CNTN4: variants seen among roughly 807,000 people sequenced by gnomAD.
CNTN4 encodes contactin 4, also known as contactin-4.
A neutral mutation model predicts 122.5 loss-of-function variants in CNTN4; 77 were observed. That is an observed-to-expected ratio of 0.63 (90% CI 0.52 to 0.76). The LOEUF (loss-of-function observed/expected upper bound fraction) is 0.76. CNTN4 is among the 30% of genes least tolerant of loss of function. The probability of loss-of-function intolerance (pLI) is 0.00; values close to 1 mark genes in which losing one functional copy is unlikely to be tolerated. For missense variants in CNTN4, 1,256 were observed against 1,259.1 expected (o/e 1.00, Z 0.04); for synonymous variants, 512 against 447.0 (o/e 1.15, Z -1.83).
chr3:2,779,227 A>G (rs1399669624), intron 6 of CNTN4, among the ~76,000 whole-genome samples: 1 of 150,376 alleles, frequency 6.6e-6, no homozygotes. Flanking sequence ...CTTCCTTTTC[A>G]GGTTGTGGTG....
chr3:2,666,576 A>G (rs79146850), intron 4 of CNTN4, among the ~76,000 whole-genome samples: 2,117 of 141,746 alleles, frequency 0.015, 57 homozygotes, highest in African/African-American at 0.052. Context: ...ATCATAAGGA[A>G]TAAAATGTTC....
intron 2 of CNTN4, among the ~76,000 whole-genome samples, chr3:2,319,740 T>C (rs2150201389): frequency 6.6e-6 from 1 of 152,256 alleles, no homozygotes; most frequent in East Asian, 1.9e-4. Flanking sequence ...GCTATTAAAG[T>C]TTTGGAACAG....
chr3:2,283,112 CT>C (rs2041779301), intron 2 of CNTN4, among the ~76,000 whole-genome samples: 1 of 152,102 alleles, frequency 6.6e-6, no homozygotes, highest in Admixed American at 6.6e-5. Flanking sequence ...GAAGTGTATG[CT>C]TTAAAAAGGT....
intron 4 of CNTN4, among the ~76,000 whole-genome samples, chr3:2,637,432 G>T (rs1321725755): frequency 6.6e-6 from 1 of 152,050 alleles, no homozygotes; most frequent in African/African-American, 2.4e-5. Context: ...ATCAAAGTTA[G>T]ATTAGGCATT....
In CNTN4 at chr3:2,636,924, GTT is replaced by G. The variant is rs57301957; in HGVS notation, c.55+65379_55+65380del. Among the ~76,000 whole-genome samples the G allele has an allele frequency of 3.9e-3, 387 of 98,566 alleles. 2 individuals carry two copies. Among genetic ancestry groups the G allele is most frequent in the African/African-American group, 0.014 (361 of 26,444 alleles). The allele number at this position is 98,566 out of a possible 152,430, so 64.7% of individuals were successfully genotyped here. On this transcript the variant is annotated intron_variant, in intron 4 of 24. Coordinates refer to ENST00000418658, the MANE Select transcript of CNTN4 (RefSeq NM_175607.3). ...TCTTTTCCTCTTTCTTTCTTTCTTT[GTT>G]TTTTTTTTTTTTGGTTTTTTTTTTT...
At chr3:2,120,375 ATAT>A (rs2033656170) in intron 2 of CNTN4, among the ~76,000 whole-genome samples, 1 of 84,878 alleles carries the variant, frequency 1.2e-5, no homozygotes, top group African/African-American at 6.5e-5. Context: ...ATATATATAA[ATAT>A]ATATATATAT....
intron 6 of CNTN4, among the ~76,000 whole-genome samples, chr3:2,790,599 C>A (rs1361850468): frequency 1.3e-5 from 2 of 152,280 alleles, no homozygotes; most frequent in Middle Eastern, 3.4e-3. Context: ...CCAGGCAAAT[C>A]AGCCACCAAG....
chr3:2,269,152 A>G (rs867214812), intron 2 of CNTN4, among the ~76,000 whole-genome samples: 1 of 152,136 alleles, frequency 6.6e-6, no homozygotes, highest in African/African-American at 2.4e-5. Context: ...TCAAAGGTGT[A>G]CCCTTCAAAG....
intron 4 of CNTN4, among the ~76,000 whole-genome samples, chr3:2,685,605 G>T (rs916894641): frequency 4.6e-5 from 7 of 152,136 alleles, no homozygotes; most frequent in African/African-American, 2.4e-5. Flanking sequence ...ATCTTCATAG[G>T]TCATGGTATT....
chr3:2,779,340 C>T (rs2091478723), intron 6 of CNTN4, among the ~76,000 whole-genome samples: 1 of 151,946 alleles, frequency 6.6e-6, no homozygotes. Context: ...GATCTCGGCT[C>T]AGGTGCACAC....
intron 2 of CNTN4, among the ~76,000 whole-genome samples, chr3:2,165,140 T>A (rs762366561): frequency 1.3e-5 from 2 of 152,022 alleles, no homozygotes; most frequent in Admixed American, 6.6e-5. Context: ...CTGGCCAACA[T>A]GGTGAAACCC....
chr3:2,553,004 G>A (rs538545941), intron 3 of CNTN4, among the ~76,000 whole-genome samples: 31 of 152,254 alleles, frequency 2.0e-4, no homozygotes, highest in Middle Eastern at 3.4e-3. Flanking sequence ...GCAAGTACAC[G>A]TCTTACCTGG....
chr3:3,019,730 A>G (rs1261411646), intron 14 of CNTN4, among the ~76,000 whole-genome samples: 1 of 149,504 alleles, frequency 6.7e-6, no homozygotes, highest in Non-Finnish European at 1.5e-5. Context: ...TTGTGTGTAT[A>G]TGGTAGGGAG....
At chr3:2,764,600 G>T (rs1436969753) in intron 6 of CNTN4, among the ~76,000 whole-genome samples, 1 of 152,174 alleles carries the variant, frequency 6.6e-6, no homozygotes, top group East Asian at 1.9e-4. Flanking sequence ...GCTTAAGCGT[G>T]TCACTTTACT....
intron 5 of CNTN4, among the ~76,000 whole-genome samples, chr3:2,737,297 T>C (rs1217598689): frequency 1.3e-5 from 2 of 152,072 alleles, no homozygotes; most frequent in Non-Finnish European, 2.9e-5. Context: ...GCCAAACTGG[T>C]CTCGTATTCC....
intron 4 of CNTN4, among the ~76,000 whole-genome samples, chr3:2,640,127 T>C (rs1222909032): frequency 6.6e-6 from 1 of 152,204 alleles, no homozygotes; most frequent in Non-Finnish European, 1.5e-5. Context: ...GAGAATAATC[T>C]GACATTGCTT....
At chr3:2,102,270 G>C (rs1386747937) in intron 2 of CNTN4, among the ~76,000 whole-genome samples, 3 of 152,168 alleles carry the variant, frequency 2.0e-5, no homozygotes, top group Non-Finnish European at 4.4e-5. Flanking sequence ...AGATTAACCT[G>C]AATCTAAGTC....
At chr3:2,219,920 C>T (rs529837800) in intron 2 of CNTN4, among the ~76,000 whole-genome samples, 1 of 152,100 alleles carries the variant, frequency 6.6e-6, no homozygotes, top group Non-Finnish European at 1.5e-5. Context: ...TACCTTCTTA[C>T]ATCTCATTTG....
intron 4 of CNTN4, among the ~76,000 whole-genome samples, chr3:2,595,507 A>T (rs1559283762): frequency 1.3e-5 from 2 of 152,160 alleles, no homozygotes; most frequent in Non-Finnish European, 1.5e-5. Flanking sequence ...TTGATCCTGC[A>T]GTGTGGCTCT....
Sources: gnomAD v4.1 joint callset for allele counts (sites outside exome capture counted in the v4.1 genomes callset) on GRCh38, gnomAD v4.1.1 for gene constraint, MANE v1.5 for transcripts, NCBI Gene and HGNC (gene_info 2026-07-23, HGNC 2026-07-21) for gene names.